The following DCDC1 variants were observed in gnomAD, a reference collection of about 807,000 sequenced individuals.
The protein encoded by DCDC1 is doublecortin domain containing 1.
A neutral mutation model predicts 178.3 loss-of-function variants in DCDC1; 200 were observed. The observed-to-expected ratio is 1.12, with a 90% CI of 1.00 to 1.26. The LOEUF is 1.26. DCDC1 is among the 50% of genes most tolerant of loss of function. The probability of loss-of-function intolerance (pLI) is 0.00; values close to 1 mark genes in which losing one functional copy is unlikely to be tolerated. For synonymous variants in DCDC1, 690 were observed against 604.8 expected (o/e 1.14, Z -2.07); for missense variants, 1,983 against 1,749.2 (o/e 1.13, Z -2.38).
At chr11:31,210,511 G>A (rs1275097479) in intron 9 of DCDC1, among the ~76,000 whole-genome samples, 1 of 152,046 alleles carries the variant, frequency 6.6e-6, no homozygotes, top group Non-Finnish European at 1.5e-5. Context: ...AGGAGTTCAA[G>A]ACCAGCCTGG....
chr11:31,250,616 T>C (rs186735093), intron 8 of DCDC1, among the ~76,000 whole-genome samples: 2 of 151,362 alleles, frequency 1.3e-5, no homozygotes, highest in African/African-American at 2.4e-5. Flanking sequence ...AATTCCACAT[T>C]TGGCAGAACA....
intron 9 of DCDC1, among the ~76,000 whole-genome samples, chr11:31,178,558 G>A (rs879878306): frequency 5.3e-5 from 8 of 152,014 alleles, no homozygotes; most frequent in African/African-American, 4.8e-5. Flanking sequence ...CACAGCACAG[G>A]AAACTGTTAA....
intron 7 of DCDC1, among the ~76,000 whole-genome samples, chr11:31,289,283 G>A (rs1178992012): frequency 1.3e-5 from 2 of 151,938 alleles, no homozygotes; most frequent in Non-Finnish European, 2.9e-5. Context: ...CTCCAAGAAT[G>A]ACTGCATTTT....
intron 6 of DCDC1, among the ~76,000 whole-genome samples, chr11:31,291,133 T>C (rs1176610218): frequency 6.6e-6 from 1 of 152,076 alleles, no homozygotes; most frequent in Non-Finnish European, 1.5e-5. Flanking sequence ...AAATTCACCT[T>C]AGCCTGCCTC....
intron 20 of DCDC1, among the ~76,000 whole-genome samples, chr11:31,042,367 T>C (rs1426759273): frequency 3.9e-5 from 6 of 152,224 alleles, no homozygotes; most frequent in African/African-American, 1.2e-4. Flanking sequence ...CTAGACCAGA[T>C]ACCACCTTAC....
intron 17 of DCDC1, among the ~76,000 whole-genome samples, chr11:31,082,183 A>G (rs1312017969): frequency 1.3e-5 from 2 of 152,258 alleles, no homozygotes; most frequent in African/African-American, 4.8e-5. Context: ...TCATAATATC[A>G]TGACATACAC....
At chr11:31,248,282 A>C (rs1279751914) in intron 8 of DCDC1, among the ~76,000 whole-genome samples, 1 of 152,082 alleles carries the variant, frequency 6.6e-6, no homozygotes, top group Non-Finnish European at 1.5e-5. Flanking sequence ...ATTAGGCACA[A>C]ATTAACTTTT....
chr11:31,300,303 G>A (rs1948016262), intron 6 of DCDC1, among the ~76,000 whole-genome samples: 1 of 152,166 alleles, frequency 6.6e-6, no homozygotes, highest in Non-Finnish European at 1.5e-5. Flanking sequence ...TTATTTTCCT[G>A]AGCCCAGCCA....
intron 21 of DCDC1, among the ~76,000 whole-genome samples, chr11:30,935,620 C>T (rs1241644725): frequency 6.6e-6 from 1 of 151,774 alleles, no homozygotes; most frequent in African/African-American, 2.4e-5. Context: ...ATGGTGCAAT[C>T]TCAGCTCACT....
intron 1 of DCDC1, among the ~76,000 whole-genome samples, chr11:31,354,271 C>T (rs866294470): frequency 4.6e-5 from 7 of 152,090 alleles, no homozygotes; most frequent in African/African-American, 9.7e-5. Context: ...GGTGACAGAG[C>T]GAGACTCTGT....
chr11:31,328,810 C>CAA (rs11321441), intron 2 of DCDC1, among the ~76,000 whole-genome samples: 3 of 61,510 alleles, frequency 4.9e-5, no homozygotes, highest in Non-Finnish European at 7.9e-5. Flanking sequence ...GACTACATCT[C>CAA]AAAAAAAAAA....
chr11:31,351,087 T>C (rs1284799013), intron 1 of DCDC1, among the ~76,000 whole-genome samples: 2 of 152,072 alleles, frequency 1.3e-5, no homozygotes, highest in African/African-American at 2.4e-5. Flanking sequence ...AAAAATTCAT[T>C]ATTTCTGTTC....
chr11:31,216,962 C>A (rs1024270308), intron 9 of DCDC1, among the ~76,000 whole-genome samples: 2 of 152,142 alleles, frequency 1.3e-5, no homozygotes, highest in Non-Finnish European at 2.9e-5. Context: ...TACATGTGAA[C>A]TTTACTTCAA....
chr11:30,905,168 A>T lies in DCDC1; in HGVS notation c.4105-4T>A, dbSNP rs778437948. The T allele has an allele frequency of 2.1e-5, 33 of 1,565,170 alleles. No individual in the cohort carries two copies. The highest frequency in any genetic ancestry group is 1.1e-4 in the African/African-American group (8 of 73,276). On this transcript the variant is annotated splice_region_variant and splice_polypyrimidine_tract_variant and intron_variant, in intron 30 of 38. Transcript: ENST00000684477. ...CCTTGTCACACGACAAATCAACCTA[A>T]TTTTTTAAAAAATAAATTGTACATT...
intron 1 of DCDC1, among the ~76,000 whole-genome samples, chr11:31,357,971 A>G (rs1290373382): frequency 6.6e-6 from 1 of 152,224 alleles, no homozygotes; most frequent in Non-Finnish European, 1.5e-5. Context: ...TTCCATGCTC[A>G]TGGGTAGGAA....
At chr11:31,185,643 A>G (rs1415947940) in intron 9 of DCDC1, among the ~76,000 whole-genome samples, 2 of 152,168 alleles carry the variant, frequency 1.3e-5, no homozygotes, top group African/African-American at 4.8e-5. Context: ...ATATGTCAAA[A>G]CCTGGTTTTC....
At chr11:30,967,386 A>T (rs545532468) in intron 20 of DCDC1, among the ~76,000 whole-genome samples, 13 of 152,272 alleles carry the variant, frequency 8.5e-5, no homozygotes, top group African/African-American at 3.1e-4. Flanking sequence ...GAGTTCACTC[A>T]TGATTGTTTA....
intron 8 of DCDC1, among the ~76,000 whole-genome samples, chr11:31,242,038 C>T (rs1977212803): frequency 6.6e-6 from 1 of 151,882 alleles, no homozygotes; most frequent in African/African-American, 2.4e-5. Context: ...CCTAAAACAT[C>T]GCATCTGGAA....
chr11:30,911,531 T>C (rs1945448376), intron 27 of DCDC1, 111 bp from the exon 28 acceptor site: 2 of 773,302 alleles, frequency 2.6e-6, no homozygotes, highest in East Asian at 2.7e-5. Context: ...TCTGTAATAA[T>C]GAATGTGAAT....
Sources: gnomAD v4.1 joint callset for allele counts (sites outside exome capture counted in the v4.1 genomes callset) on GRCh38, gnomAD v4.1.1 for gene constraint, MANE v1.5 for transcripts, NCBI Gene and HGNC (gene_info 2026-07-23, HGNC 2026-07-21) for gene names.